Variants in GRID1 observed in about 807,000 individuals in gnomAD.
GRID1 encodes glutamate receptor ionotropic, delta-1.
A neutral mutation model predicts 98.0 loss-of-function variants in GRID1; 28 were observed. The observed-to-expected ratio is 0.29, with a 90% CI of 0.21 to 0.39. The LOEUF (loss-of-function observed/expected upper bound fraction) is 0.39. Ranked by LOEUF, GRID1 falls within the 10% of genes least tolerant of loss-of-function variation. The pLI, the probability that GRID1 is intolerant of heterozygous loss-of-function variation, is 1.00. For synonymous variants in GRID1, 553 were observed against 538.5 expected (o/e 1.03, Z -0.37); for missense variants, 1,111 against 1,340.5 (o/e 0.83, Z 2.67).
intron 4 of GRID1, among the ~76,000 whole-genome samples, chr10:86,068,369 A>G (rs972307936): frequency 3.3e-5 from 5 of 152,226 alleles, no homozygotes; most frequent in Admixed American, 3.3e-4. Context: ...CTGAAAGCTG[A>G]AAGACCAGCA....
chr10:85,666,957 A>G (rs1204085948), intron 12 of GRID1, among the ~76,000 whole-genome samples: 2 of 152,040 alleles, frequency 1.3e-5, no homozygotes, highest in African/African-American at 4.8e-5. Context: ...GCCCCACAAT[A>G]TTTCGCAGAT....
intron 6 of GRID1, among the ~76,000 whole-genome samples, chr10:85,858,747 T>A (rs1843137617): frequency 6.6e-6 from 1 of 152,198 alleles, no homozygotes; most frequent in Non-Finnish European, 1.5e-5. Flanking sequence ...TAGCTGATGC[T>A]ATTTAACCAG....
chr10:85,903,336 T>C (rs977932443), intron 5 of GRID1, among the ~76,000 whole-genome samples: 1 of 152,192 alleles, frequency 6.6e-6, no homozygotes, highest in Non-Finnish European at 1.5e-5. Context: ...TCATACTTGA[T>C]GTTTCTCTTT....
intron 12 of GRID1, among the ~76,000 whole-genome samples, chr10:85,658,251 C>G (rs1228543954): frequency 6.6e-6 from 1 of 152,170 alleles, no homozygotes; most frequent in Non-Finnish European, 1.5e-5. Context: ...AAATGTCTGT[C>G]TGAACCCTCT....
At position 85,916,190 on chromosome 10, in the gene GRID1, T is replaced by C. The variant is rs74471957; in HGVS notation, c.776A>G (p.Asn259Ser). The change falls in exon 5 of 16, where the codon AAT becomes AGT. Residue 259 changes from asparagine to serine, a missense_variant. Physicochemically the swap from Asn to Ser is conservative, Grantham distance 46. Transcript: ENST00000327946. This position sits in a 1 kb window ranked among gnomAD's most constrained non-coding sequence, Gnocchi z 4.0. ...TCACATTTCTAGAGCCCTTACCTCA[T>C]TCACAAAGACCCAGTGGCTGTCCTT... is the stretch of plus-strand genomic sequence containing the variant. The part of the protein sequence containing the change: ...ASKDSHWVFV[N>S]EEISDPEILD... 1 of 1,612,484 alleles carries C rather than the reference T, an allele frequency of 6.2e-7. No individual in the cohort carries two copies. The highest frequency in any genetic ancestry group is 8.5e-7 in the Non-Finnish European group (1 of 1,178,550).
intron 12 of GRID1, among the ~76,000 whole-genome samples, chr10:85,658,625 G>A (rs972478777): frequency 1.3e-5 from 2 of 152,124 alleles, no homozygotes; most frequent in Non-Finnish European, 2.9e-5. Flanking sequence ...TGCAAAACAC[G>A]GTGCTAGAAT....
At chr10:86,271,348 T>C (rs1847182186) in intron 2 of GRID1, among the ~76,000 whole-genome samples, 1 of 152,190 alleles carries the variant, frequency 6.6e-6, no homozygotes. Context: ...CCAAGGATAT[T>C]TCTACGAATG....
intron 8 of GRID1, among the ~76,000 whole-genome samples, chr10:85,752,596 T>A (rs1842058457): frequency 6.6e-6 from 1 of 152,220 alleles, no homozygotes; most frequent in Admixed American, 6.5e-5. Context: ...ATGGCAAGGT[T>A]CATTATTAAC....
chr10:86,143,816 C>A (rs528051364), intron 3 of GRID1, among the ~76,000 whole-genome samples: 2 of 152,336 alleles, frequency 1.3e-5, no homozygotes, highest in African/African-American at 2.4e-5. Context: ...AGGAGTCCTG[C>A]GCCTTAGAGA....
intron 4 of GRID1, among the ~76,000 whole-genome samples, chr10:85,982,513 C>G (rs1842558446): frequency 6.6e-6 from 1 of 152,040 alleles, no homozygotes. Context: ...AGGTGAGAAC[C>G]AAGGGTGAAT....
At chr10:86,096,198 G>C (rs572739660) in intron 4 of GRID1, among the ~76,000 whole-genome samples, 2 of 152,088 alleles carry the variant, frequency 1.3e-5, no homozygotes, top group Non-Finnish European at 2.9e-5. Flanking sequence ...GACTTGGGGG[G>C]AAGAGTGAGA....
At chr10:86,091,265 G>T (rs1438280084) in intron 4 of GRID1, among the ~76,000 whole-genome samples, 3 of 152,160 alleles carry the variant, frequency 2.0e-5, no homozygotes, top group Non-Finnish European at 4.4e-5. Flanking sequence ...CTCGCACTCT[G>T]CCTGGAAACA....
At chr10:85,763,513 A>G (rs760569023) in intron 8 of GRID1, among the ~76,000 whole-genome samples, 22 of 152,214 alleles carry the variant, frequency 1.4e-4, no homozygotes, top group Non-Finnish European at 2.8e-4. Context: ...TCCTATGTTG[A>G]TTTCTCATAA....
intron 4 of GRID1, among the ~76,000 whole-genome samples, chr10:85,941,472 C>T (rs933370563): frequency 3.9e-5 from 6 of 152,074 alleles, no homozygotes; most frequent in Non-Finnish European, 7.4e-5. Context: ...AAACTATTAA[C>T]GATGGTTATA....
intron 4 of GRID1, among the ~76,000 whole-genome samples, chr10:86,087,510 CTGTG>C (rs60644459): frequency 2.0e-4 from 28 of 140,890 alleles, no homozygotes; most frequent in South Asian, 6.9e-4. Context: ...GTGTGTGTGT[CTGTG>C]TGTGTGTGTG....
intron 4 of GRID1, among the ~76,000 whole-genome samples, chr10:85,949,414 A>G (rs946368570): frequency 3.9e-5 from 6 of 152,202 alleles, no homozygotes; most frequent in African/African-American, 1.4e-4. Context: ...TCTTTTTGTC[A>G]TAAAACAATA....
At chr10:86,121,454 TCATCAC>T (rs1455792152) in intron 4 of GRID1, among the ~76,000 whole-genome samples, 1 of 115,724 alleles carries the variant, frequency 8.6e-6, no homozygotes, top group East Asian at 2.6e-4. Flanking sequence ...ATAATCATCA[TCATCAC>T]CATCACCATC....
chr10:85,675,886 A>G (rs1841139498), intron 12 of GRID1, among the ~76,000 whole-genome samples: 1 of 152,116 alleles, frequency 6.6e-6, no homozygotes, highest in Non-Finnish European at 1.5e-5. Context: ...TGGGTGTTCC[A>G]TGCATTTTGT....
chr10:85,649,838 CA>C (rs942484332), intron 12 of GRID1, among the ~76,000 whole-genome samples: 2 of 152,154 alleles, frequency 1.3e-5, no homozygotes, highest in African/African-American at 4.8e-5. Flanking sequence ...GTTCCCACCC[CA>C]AAATGCCACC....
Sources: allele counts gnomAD v4.1 joint callset (sites outside exome capture counted in the v4.1 genomes callset), GRCh38; gene constraint gnomAD v4.1.1; non-coding constraint Gnocchi (gnomAD v3.1); transcripts MANE v1.5; gene names NCBI Gene and HGNC (gene_info 2026-07-23, HGNC 2026-07-21).